The following MRPL42 variants were observed in gnomAD, a reference collection of about 807,000 sequenced individuals.
MRPL42 encodes the protein mitochondrial ribosomal protein L42.
MRPL42 carries 17 observed loss-of-function variants against 17.9 expected under a neutral mutation model. That is an observed-to-expected ratio of 0.95 (90% CI 0.65 to 1.42). The LOEUF is 1.42. Ranked by LOEUF, MRPL42 falls within the 40% of genes most tolerant of loss-of-function variation. The pLI, the probability that MRPL42 is intolerant of heterozygous loss-of-function variation, is 0.00. For missense variants in MRPL42, 177 were observed against 175.2 expected (o/e 1.01, Z -0.06); for synonymous variants, 59 against 54.4 (o/e 1.08, Z -0.37).
At chr12:93,480,183 G>A (rs573730408) in intron 4 of MRPL42, among the ~76,000 whole-genome samples, 39 of 152,044 alleles carry the variant, frequency 2.6e-4, no homozygotes, top group South Asian at 1.0e-3. Flanking sequence ...GTGCAGTGGC[G>A]TGATCCGGCT....
chr12:93,482,021 C>T (rs529074067), intron 4 of MRPL42, among the ~76,000 whole-genome samples: 1 of 152,248 alleles, frequency 6.6e-6, no homozygotes, highest in South Asian at 2.1e-4. Flanking sequence ...ATTATCTTCT[C>T]TGCCACATCA....
rs1327224211 is a variant in MRPL42, at chr12:93,503,270, A to T, written c.*2049A>T. On this transcript the variant is annotated 3_prime_UTR_variant, in exon 6 of 6. Transcript: ENST00000549982. ...TCGCCCAAAAGTGACTTTTAAAAGC[A>T]CTTAATTAGCAGAGAATTTGGATGT... The T allele has an allele frequency of 6.6e-6, 1 of 152,212 alleles. No homozygotes were observed. The highest frequency in any genetic ancestry group is 1.5e-5 in the Non-Finnish European group (1 of 68,046). The allele number at this position is 152,212 out of a possible 1,614,324, so 9.4% of individuals were successfully genotyped here.
At chr12:93,479,906 T>C (rs575850476) in intron 4 of MRPL42, among the ~76,000 whole-genome samples, 2 of 151,908 alleles carry the variant, frequency 1.3e-5, no homozygotes, top group African/African-American at 4.8e-5. Flanking sequence ...GGTGAATTTC[T>C]TTATTTTTAT....
intron 4 of MRPL42, among the ~76,000 whole-genome samples, chr12:93,483,467 T>A (rs996675636): frequency 3.3e-5 from 5 of 152,238 alleles, no homozygotes; most frequent in Non-Finnish European, 7.3e-5. Context: ...ATTACTGTAG[T>A]GAATACTATA....
chr12:93,468,856 A>G (rs1002669689), intron 1 of MRPL42, among the ~76,000 whole-genome samples: 5 of 152,196 alleles, frequency 3.3e-5, no homozygotes, highest in Non-Finnish European at 7.3e-5. Context: ...CACTAGCATT[A>G]AAAGAATGAA....
intron 4 of MRPL42, among the ~76,000 whole-genome samples, chr12:93,482,690 A>G (rs1409308994): frequency 6.6e-6 from 1 of 152,120 alleles, no homozygotes; most frequent in East Asian, 1.9e-4. Flanking sequence ...GGCTCAAGCA[A>G]TCCTCCCACT....
intron 5 of MRPL42, among the ~76,000 whole-genome samples, chr12:93,489,718 TA>T (rs1049245329): frequency 2.0e-5 from 3 of 152,180 alleles, no homozygotes; most frequent in African/African-American, 7.2e-5. Context: ...GTATTTTTAG[TA>T]GAGACAAGGT....
chr12:93,479,051 C>A (rs528933286), intron 3 of MRPL42, among the ~76,000 whole-genome samples: 1 of 151,628 alleles, frequency 6.6e-6, no homozygotes, highest in African/African-American at 2.4e-5. Context: ...CCTGCCTCAG[C>A]CTCCTGAGTA....
At chr12:93,489,122 A>C (rs891881490) in intron 5 of MRPL42, among the ~76,000 whole-genome samples, 1 of 152,224 alleles carries the variant, frequency 6.6e-6, no homozygotes, top group Admixed American at 6.6e-5. Context: ...GGTTAGTGTA[A>C]AACATAATCC....
intron 2 of MRPL42, chr12:93,470,450 T>C: frequency 7.9e-7 from 1 of 1,272,152 alleles, no homozygotes; most frequent in Non-Finnish European, 1.0e-6. Flanking sequence ...TATTAAACTA[T>C]GTGAGCCAAC....
intron 4 of MRPL42, among the ~76,000 whole-genome samples, chr12:93,481,773 T>C (rs920385890): frequency 2.0e-5 from 3 of 152,156 alleles, no homozygotes; most frequent in African/African-American, 7.2e-5. Flanking sequence ...AGAAATCCAA[T>C]AGTTAACTAC....
At chr12:93,469,474 G>A in intron 2 of MRPL42, 119 bp downstream of exon 2, 1 of 703,922 alleles carries the variant, frequency 1.4e-6, no homozygotes, top group African/African-American at 1.8e-5. Flanking sequence ...GCAATGGAAA[G>A]TGGGAGAAAA....
chr12:93,475,939 C>T (rs1037996373), intron 2 of MRPL42, among the ~76,000 whole-genome samples: 5 of 151,966 alleles, frequency 3.3e-5, no homozygotes, highest in African/African-American at 1.2e-4. Flanking sequence ...AGAGATCGCA[C>T]CACTGCACTC....
Position 93,514,295 on chromosome 12 carries a change from C to CTTTTTTT in MRPL42, c.*13088_*13094dup, listed in dbSNP as rs55890236. ...CCCTCTGCTTTTTCTTTCTTTCTTT[C>CTTTTTTT]TTTTTTTTTTTTTTTTTTTTGAGAT... On this transcript the variant is annotated 3_prime_UTR_variant, in exon 6 of 6. Transcript: ENST00000549982. 2 of 120,850 alleles carry CTTTTTTT rather than the reference C, an allele frequency of 1.7e-5. No homozygotes were observed. The highest frequency in any genetic ancestry group is 3.3e-5 in the Non-Finnish European group (2 of 59,758). 7.5% of individuals were successfully genotyped at this position (120,850 alleles called of 1,614,324 possible).
At position 93,508,942 on chromosome 12, in the gene MRPL42, C is replaced by T. The variant is rs996398165; in HGVS notation, c.*7721C>T. ...GTAGTTCACACCTGTAATCCCAGCA[C>T]TTTAGGAGGCGGAGGTGGGCGGATC... On this transcript the variant is annotated 3_prime_UTR_variant, in exon 6 of 6. Coordinates refer to ENST00000549982, the MANE Select transcript of MRPL42 (RefSeq NM_014050.4). The T allele has an allele frequency of 2.0e-5, 3 of 152,164 alleles. No homozygotes were observed. Among genetic ancestry groups the T allele is most frequent in the Non-Finnish European group, 4.4e-5 (3 of 68,066 alleles). 9.4% of individuals were successfully genotyped at this position (152,164 alleles called of 1,614,324 possible).
rs1021832467 is a variant in MRPL42, at chr12:93,513,749, C to A, written c.*12528C>A. 1 of 152,126 alleles carries A rather than the reference C, an allele frequency of 6.6e-6. No individual in the cohort carries two copies. The highest frequency in any genetic ancestry group is 1.5e-5 in the Non-Finnish European group (1 of 67,974). 9.4% of individuals were successfully genotyped at this position (152,126 alleles called of 1,614,324 possible). On this transcript the variant is annotated 3_prime_UTR_variant, in exon 6 of 6. Transcript: ENST00000549982. The stretch of plus-strand genomic sequence containing the variant: ...CCATTAACATAATTAAAAATTGGGG[C>A]TTTTAAAAAATGTTTTTCATTCTAC...
chr12:93,483,420 T>C (rs1458708798), intron 4 of MRPL42, among the ~76,000 whole-genome samples: 1 of 152,212 alleles, frequency 6.6e-6, no homozygotes, highest in Non-Finnish European at 1.5e-5. Flanking sequence ...CTTTATGGTA[T>C]AGCCTATTGC....
At position 93,512,504 on chromosome 12, in the gene MRPL42, C is replaced by T. The variant is rs973967641; in HGVS notation, c.*11283C>T. The T allele has an allele frequency of 6.6e-6, 1 of 152,450 alleles. No individual in the cohort carries two copies. The highest frequency in any genetic ancestry group is 2.4e-5 in the African/African-American group (1 of 41,420). 9.4% of individuals were successfully genotyped at this position (152,450 alleles called of 1,614,324 possible). On this transcript the variant is annotated 3_prime_UTR_variant, in exon 6 of 6. Coordinates refer to ENST00000549982, the MANE Select transcript of MRPL42 (RefSeq NM_014050.4). ...GATATAAATTGGCCAGCTAGAGTTACCTGAAGTTACTATCTTCAATTATCT... is the reference window on the plus strand; with the variant it reads ...GATATAAATTGGCCAGCTAGAGTTATCTGAAGTTACTATCTTCAATTATCT...
intron 2 of MRPL42, among the ~76,000 whole-genome samples, chr12:93,474,861 CGGGCT>C (rs71071741): frequency 0.51 from 77,671 of 151,174 alleles, 19,967 homozygotes; most frequent in Non-Finnish European, 0.53. Flanking sequence ...GAGGCCAAGG[CGGGCT>C]GGGCTGATCA....
Sources: allele counts gnomAD v4.1 joint callset (sites outside exome capture counted in the v4.1 genomes callset), GRCh38; gene constraint gnomAD v4.1.1; transcripts MANE v1.5; gene names NCBI Gene and HGNC (gene_info 2026-07-23, HGNC 2026-07-21).